Variants in EPHA3 observed in about 807,000 individuals in gnomAD.
The protein encoded by EPHA3 is EPH receptor A3.
In EPHA3, 42 loss-of-function variants were observed where a neutral mutation model predicts 107.1. That is an observed-to-expected ratio of 0.39 (90% confidence interval 0.31 to 0.51). The LOEUF (loss-of-function observed/expected upper bound fraction) is 0.51, where lower values mean the gene tolerates loss of function less well. Among genes scored for constraint, EPHA3 ranks in the 20% least tolerant of loss-of-function variants. The pLI, the probability that EPHA3 is intolerant of heterozygous loss-of-function variation, is 0.78. For missense variants in EPHA3, 1,183 were observed against 1,211.2 expected, an observed-to-expected ratio of 0.98 and a Z score of 0.35; for synonymous variants, 461 against 424.8, an observed-to-expected ratio of 1.09 and a Z score of -1.05.
chr3:89,136,177 A>T (rs536421678), intron 2 of EPHA3, among the ~76,000 whole-genome samples: 5 of 152,014 alleles, frequency 3.3e-5, no homozygotes, highest in Admixed American at 6.6e-5. Context: ...ATCCAGGAAC[A>T]TCAAATTTTT....
At chr3:89,353,167 G>T (rs1275204833) in intron 5 of EPHA3, among the ~76,000 whole-genome samples, 3 of 151,172 alleles carry the variant, frequency 2.0e-5, no homozygotes, top group Non-Finnish European at 4.4e-5. Flanking sequence ...AGCTGAATCT[G>T]CCATTAAACT....
At chr3:89,203,151 A>C (rs1419523783) in intron 2 of EPHA3, among the ~76,000 whole-genome samples, 1 of 152,066 alleles carries the variant, frequency 6.6e-6, no homozygotes, top group Admixed American at 6.6e-5. Context: ...GGTAGAGTGC[A>C]GACGTTAAAA....
chr3:89,128,927 T>C (rs936360011), intron 2 of EPHA3, among the ~76,000 whole-genome samples: 2 of 152,126 alleles, frequency 1.3e-5, no homozygotes, highest in African/African-American at 4.8e-5. Flanking sequence ...TTGGCACATC[T>C]ACTTCCAGAG....
At chr3:89,221,315 A>T (rs572467749) in intron 3 of EPHA3, among the ~76,000 whole-genome samples, 3 of 152,110 alleles carry the variant, frequency 2.0e-5, no homozygotes, top group Admixed American at 2.0e-4. Flanking sequence ...TCCTTAAGCT[A>T]TTCACTTGTT....
chr3:89,204,158 T>C (rs1706043511), intron 2 of EPHA3, among the ~76,000 whole-genome samples: 1 of 152,196 alleles, frequency 6.6e-6, no homozygotes, highest in Non-Finnish European at 1.5e-5. Context: ...TCTGATTCTT[T>C]TACATTTGTC....
Position 89,107,655 on chromosome 3 carries a change from A to T in EPHA3, c.-94A>T, listed in dbSNP as rs767367641. On this transcript the variant is annotated 5_prime_UTR_variant, in exon 1 of 17. The change abolishes an upstream ATG in the 5' untranslated region. Coordinates refer to ENST00000336596, the MANE Select transcript of EPHA3 (RefSeq NM_005233.6). ...CTTGACATCAGCCTGCGAGCGGAGC[A>T]TGGTAACTTCTCCAGCAATCAGAGC... The T allele has an allele frequency of 1.4e-5, 16 of 1,155,744 alleles. No individual in the cohort carries two copies. Among genetic ancestry groups the T allele is most frequent in the Non-Finnish European group, 7.7e-6 (6 of 778,156 alleles). The allele number at this position is 1,155,744 out of a possible 1,614,324, so 71.6% of individuals were successfully genotyped here.
chr3:89,209,607 G>C lies in EPHA3; in HGVS notation c.154-253G>C, dbSNP rs140428418. ...GTTTTGATCCTGGAATGTTTGATTAGGCTCTATTAACTGCTAAGTGTCTTT... is the reference window on the plus strand; with the variant it reads ...GTTTTGATCCTGGAATGTTTGATTACGCTCTATTAACTGCTAAGTGTCTTT... On this transcript the variant is annotated intron_variant, in intron 2 of 16. Coordinates refer to ENST00000336596, the MANE Select transcript of EPHA3 (RefSeq NM_005233.6). 5.7e-3 allele frequency among the ~76,000 whole-genome samples: 864 copies of C among 152,114 alleles called. 7 individuals are homozygous for C. Among genetic ancestry groups the C allele is most frequent in the African/African-American group, 0.019 (809 of 41,488 alleles).
At chr3:89,412,308 T>C (rs1278678133) in intron 9 of EPHA3, among the ~76,000 whole-genome samples, 1 of 151,692 alleles carries the variant, frequency 6.6e-6, no homozygotes, top group Non-Finnish European at 1.5e-5. Flanking sequence ...TGAACATTTT[T>C]ACCTTCAGAA....
At chr3:89,399,291 C>T (rs1708909246) in intron 6 of EPHA3, 27 bp from the exon 7 acceptor site, 1 of 1,580,254 alleles carries the variant, frequency 6.3e-7, no homozygotes, top group Non-Finnish European at 8.6e-7. Flanking sequence ...TTGATTTTAA[C>T]ATGAATTTTT....
At chr3:89,119,167 C>T (rs1036389153) in intron 1 of EPHA3, among the ~76,000 whole-genome samples, 3 of 152,156 alleles carry the variant, frequency 2.0e-5, no homozygotes, top group Admixed American at 1.3e-4. Context: ...AGAAATAGTT[C>T]TTGTTAAGCA....
At chr3:89,422,194 C>A (rs1385559750) in intron 11 of EPHA3, among the ~76,000 whole-genome samples, 3 of 34,802 alleles carry the variant, frequency 8.6e-5, no homozygotes, top group African/African-American at 2.2e-4. Flanking sequence ...TTGTATTTAA[C>A]ACACACACAC....
At chr3:89,134,651 T>C (rs190852069) in intron 2 of EPHA3, among the ~76,000 whole-genome samples, 1 of 152,308 alleles carries the variant, frequency 6.6e-6, no homozygotes, top group East Asian at 1.9e-4. Flanking sequence ...AAGTCTTTGC[T>C]ATTGTGAATA....
At chr3:89,281,320 G>A (rs560018922) in intron 3 of EPHA3, among the ~76,000 whole-genome samples, 111 of 152,212 alleles carry the variant, frequency 7.3e-4, no homozygotes, top group Non-Finnish European at 1.4e-3. Flanking sequence ...CCACCACACC[G>A]GGCCTCTCAC....
At chr3:89,436,920 A>G (rs2107542522) in intron 13 of EPHA3, among the ~76,000 whole-genome samples, 1 of 152,196 alleles carries the variant, frequency 6.6e-6, no homozygotes, top group East Asian at 1.9e-4. Context: ...TTTTTCCCCA[A>G]TACTCACTTG....
At chr3:89,456,011 G>A (rs369217968) in intron 15 of EPHA3, among the ~76,000 whole-genome samples, 17 of 152,158 alleles carry the variant, frequency 1.1e-4, no homozygotes, top group African/African-American at 3.6e-4. Context: ...TTGATAATGG[G>A]TGCTCTGTAA....
At chr3:89,302,949 G>A (rs1012118349) in intron 3 of EPHA3, among the ~76,000 whole-genome samples, 6 of 152,086 alleles carry the variant, frequency 3.9e-5, no homozygotes, top group Non-Finnish European at 7.4e-5. Flanking sequence ...CTGGAGTAGA[G>A]TGGCATAATC....
At chr3:89,192,741 T>C (rs7432443) in intron 2 of EPHA3, among the ~76,000 whole-genome samples, 21,951 of 151,994 alleles carry the variant, frequency 0.14, 1,750 homozygotes, top group African/African-American at 0.22. Context: ...AACTGGTATA[T>C]GTTACCATTT....
chr3:89,326,995 G>A (rs1707181157), intron 3 of EPHA3, among the ~76,000 whole-genome samples: 1 of 152,018 alleles, frequency 6.6e-6, no homozygotes, highest in Non-Finnish European at 1.5e-5. Flanking sequence ...AGATGAAAGA[G>A]GCCTCCATTC....
At chr3:89,457,377 ATTACC>A (rs1710119074) in intron 15 of EPHA3, among the ~76,000 whole-genome samples, 1 of 152,160 alleles carries the variant, frequency 6.6e-6, no homozygotes, top group Non-Finnish European at 1.5e-5. Flanking sequence ...GCTGGTGAGC[ATTACC>A]GCCTGAGCTC....
Sources: gnomAD v4.1 joint callset for allele counts (sites outside exome capture counted in the v4.1 genomes callset) on GRCh38, gnomAD v4.1.1 for gene constraint, MANE v1.5 for transcripts, NCBI Gene and HGNC (gene_info 2026-07-23, HGNC 2026-07-21) for gene names.